Variants in LY96 observed in about 807,000 individuals in gnomAD.
LY96 encodes the protein myeloid differentiation protein-2.
In LY96, 18 loss-of-function variants were observed where a neutral mutation model predicts 18.9. The observed-to-expected ratio is 0.95, with a 90% confidence interval of 0.66 to 1.41. LY96 has a LOEUF of 1.41. LY96 is among the 40% of genes most tolerant of loss of function. The pLI, the probability that LY96 is intolerant of heterozygous loss-of-function variation, is 0.00. For missense variants in LY96, 175 were observed against 182.4 expected, an observed-to-expected ratio of 0.96 and a Z score of 0.23; for synonymous variants, 66 against 62.6, an observed-to-expected ratio of 1.06 and a Z score of -0.26.
At chr8:74,038,699 C>A in the LY96 span, among the ~76,000 whole-genome samples, 1 of 152,110 alleles carries the variant, frequency 6.6e-6, no homozygotes, top group African/African-American at 2.4e-5. Flanking sequence ...GACTCTCATT[C>A]TTTTTTGTGG....
the LY96 span, among the ~76,000 whole-genome samples, chr8:74,080,984 C>CTCTTTCTTTCTCTCTCTT: frequency 1.9e-5 from 2 of 105,172 alleles, no homozygotes; most frequent in Admixed American, 1.0e-4. Context: ...TTCTTTCTCT[C>CTCTTTCTTTCTCTCTCTT]TCTTTCTTTC....
chr8:74,026,766 T>C, intron 3 of LY96, 23 bp from the exon 4 acceptor site: 2 of 1,412,834 alleles, frequency 1.4e-6, no homozygotes, highest in Non-Finnish European at 2.0e-6. Context: ...AATAACGTTT[T>C]GTATTTTATA....
the LY96 span, among the ~76,000 whole-genome samples, chr8:74,045,105 T>A: frequency 1.3e-5 from 2 of 152,224 alleles, no homozygotes; most frequent in African/African-American, 4.8e-5. Context: ...CCAGAATAGA[T>A]AATATTCTCC....
the LY96 span, among the ~76,000 whole-genome samples, chr8:74,098,080 T>C: frequency 1.3e-5 from 2 of 152,236 alleles, no homozygotes; most frequent in Admixed American, 1.3e-4. Context: ...GCTGGGGGAC[T>C]GTCTCAGGCC....
the LY96 span, among the ~76,000 whole-genome samples, chr8:74,062,339 C>A: frequency 3.3e-5 from 5 of 152,098 alleles, no homozygotes; most frequent in Non-Finnish European, 7.4e-5. Flanking sequence ...TGAACCCATT[C>A]ACCTACGTAT....
chr8:74,075,457 G>A, the LY96 span, among the ~76,000 whole-genome samples: 1 of 152,044 alleles, frequency 6.6e-6, no homozygotes, highest in African/African-American at 2.4e-5. Context: ...TTTTTGTTGA[G>A]ACAAGGTCTT....
chr8:74,077,972 G>A, the LY96 span, among the ~76,000 whole-genome samples: 1 of 152,030 alleles, frequency 6.6e-6, no homozygotes, highest in East Asian at 1.9e-4. Flanking sequence ...GCTGAGTGTG[G>A]TGGCACATGC....
chr8:74,096,908 A>G, the LY96 span, among the ~76,000 whole-genome samples: 1 of 152,148 alleles, frequency 6.6e-6, no homozygotes, highest in African/African-American at 2.4e-5. Context: ...GCAAGAATGA[A>G]GTTTCCCTGG....
the LY96 span, among the ~76,000 whole-genome samples, chr8:74,098,054 G>A: frequency 6.6e-6 from 1 of 152,210 alleles, no homozygotes; most frequent in Non-Finnish European, 1.5e-5. Context: ...TGTCAGGTAA[G>A]CTTTTCCAAT....
intron 1 of LY96, among the ~76,000 whole-genome samples, chr8:73,994,359 C>A (rs1198120514): frequency 6.6e-6 from 1 of 152,190 alleles, no homozygotes; most frequent in Non-Finnish European, 1.5e-5. Flanking sequence ...AAATGCATCA[C>A]CTGTGGGAAG....
chr8:73,991,416 T>C lies in LY96; in HGVS notation c.-27T>C, dbSNP rs1816000569. On this transcript the variant is annotated 5_prime_UTR_variant, in exon 1 of 5. Coordinates refer to ENST00000284818, the MANE Select transcript of LY96 (RefSeq NM_015364.5). Reference sequence around the variant, plus strand: ...TGATTAGTTACTGATCCTCTTTGCATTTGTAAAGCTTTGGAGATATTGAAT... The same window carrying C: ...TGATTAGTTACTGATCCTCTTTGCACTTGTAAAGCTTTGGAGATATTGAAT... The C allele has an allele frequency of 8.0e-7, 1 of 1,246,170 alleles. No homozygotes were observed. Among genetic ancestry groups the C allele is most frequent in the African/African-American group, 1.5e-5 (1 of 67,940 alleles). The allele number at this position is 1,246,170 out of a possible 1,614,324, so 77.2% of individuals were successfully genotyped here.
downstream of LY96, chr8:74,029,191 G>A (rs1816928227): frequency 2.4e-5 from 15 of 614,984 alleles, no homozygotes; most frequent in South Asian, 2.8e-4. Context: ...TATCCTCACA[G>A]ATCTCTAGGA....
the LY96 span, chr8:74,079,639 T>A: frequency 2.6e-5 from 4 of 151,936 alleles, no homozygotes; most frequent in Admixed American, 6.6e-5. Context: ...GTGTTTAATT[T>A]AAAAAATAAA....
At chr8:74,091,694 G>A in the LY96 span, among the ~76,000 whole-genome samples, 1 of 152,124 alleles carries the variant, frequency 6.6e-6, no homozygotes, top group Admixed American at 6.5e-5. Flanking sequence ...TCTTTTCTGG[G>A]ACTTGATGCC....
intron 1 of LY96, among the ~76,000 whole-genome samples, chr8:74,002,863 C>T (rs566024978): frequency 7.2e-5 from 11 of 152,228 alleles, no homozygotes; most frequent in Admixed American, 2.6e-4. Context: ...CATGAGTCAC[C>T]GTGCCCAGCC....
chr8:74,042,941 T>C, the LY96 span, among the ~76,000 whole-genome samples: 1 of 152,090 alleles, frequency 6.6e-6, no homozygotes. Context: ...CACACCCTGC[T>C]AATTTTTTGT....
the LY96 span, among the ~76,000 whole-genome samples, chr8:74,096,572 C>A: frequency 6.6e-6 from 1 of 152,182 alleles, no homozygotes; most frequent in African/African-American, 2.4e-5. Context: ...GCCCTGCTGA[C>A]TCTCCTGCTC....
At chr8:74,016,396 G>A (rs969448849) in intron 3 of LY96, among the ~76,000 whole-genome samples, 13 of 152,210 alleles carry the variant, frequency 8.5e-5, no homozygotes, top group Non-Finnish European at 1.6e-4. Flanking sequence ...AGCTCAACGA[G>A]GCCTGCCTGC....
the LY96 span, among the ~76,000 whole-genome samples, chr8:74,061,580 T>C: frequency 1.3e-5 from 2 of 152,198 alleles, no homozygotes; most frequent in Non-Finnish European, 2.9e-5. Flanking sequence ...TGTGGTTAAT[T>C]ATAATGTATA....
Sources: gnomAD v4.1 joint callset for allele counts (sites outside exome capture counted in the v4.1 genomes callset) on GRCh38, gnomAD v4.1.1 for gene constraint, MANE v1.5 for transcripts, NCBI Gene and HGNC (gene_info 2026-07-23, HGNC 2026-07-21) for gene names.